Variants in SPTAN1 observed in about 807,000 individuals in gnomAD.
SPTAN1 encodes the protein spectrin alpha chain, non-erythrocytic 1.
A neutral mutation model predicts 331.3 loss-of-function variants in SPTAN1; 61 were observed. That is an observed-to-expected ratio of 0.18 (90% confidence interval 0.15 to 0.23). SPTAN1 has a LOEUF of 0.23. SPTAN1 is among the 10% of genes least tolerant of loss of function. The pLI, the probability that SPTAN1 is intolerant of heterozygous loss-of-function variation, is 1.00. For missense variants in SPTAN1, 2,043 were observed against 3,147.9 expected, an observed-to-expected ratio of 0.65 and a Z score of 8.40; for synonymous variants, 1,153 against 1,173.9, an observed-to-expected ratio of 0.98 and a Z score of 0.36.
At chr9:128,619,424 C>A (rs1340528087) in intron 44 of SPTAN1, among the ~76,000 whole-genome samples, 2 of 152,220 alleles carry the variant, frequency 1.3e-5, no homozygotes, top group East Asian at 3.8e-4. Flanking sequence ...AAGAAGCAGG[C>A]AGGACCATGT....
intron 3 of SPTAN1, among the ~76,000 whole-genome samples, chr9:128,572,211 T>C (rs1850806764): frequency 6.6e-6 from 1 of 152,224 alleles, no homozygotes; most frequent in Non-Finnish European, 1.5e-5. Context: ...CTTTGCTTAA[T>C]GTTTCCACCA....
At chr9:128,582,940 G>T in intron 14 of SPTAN1, 91 bp downstream of exon 14, 1 of 1,595,652 alleles carries the variant, frequency 6.3e-7, no homozygotes. Context: ...ACGAAATAAG[G>T]GATTCCAGAA....
chr9:128,624,496 T>C lies in SPTAN1; in HGVS notation c.5992+9T>C. 1.9e-6 allele frequency: 3 copies of C among 1,612,602 alleles called. No homozygotes were observed. The highest frequency in any genetic ancestry group is 2.5e-6 in the Non-Finnish European group (3 of 1,179,968). On this transcript the variant is annotated intron_variant, in intron 46 of 56. Coordinates refer to ENST00000372739, the MANE Select transcript of SPTAN1 (RefSeq NM_001130438.3). ...GGTGGAGTCCTGGATCGGTGAGCAC[T>C]GTCAGCAAGGCCCGGAAGAGCCTTC... is the stretch of plus-strand genomic sequence containing the variant.
chr9:128,608,949 T>A lies in SPTAN1; in HGVS notation c.4567T>A (p.Ser1523Thr), dbSNP rs751600620. 1 of 1,614,224 alleles carries A rather than the reference T, an allele frequency of 6.2e-7. No individual in the cohort carries two copies. Among genetic ancestry groups the A allele is most frequent in the Non-Finnish European group, 8.5e-7 (1 of 1,180,034 alleles). Residue 1523 changes from serine to threonine, a missense_variant, in exon 35 of 57, where the codon TCT (serine) becomes ACT (threonine). By Grantham distance (58) the Ser-to-Thr change is moderately conservative. Transcript: ENST00000372739. ...CGGCCATTATGCCAAGGGAGACATTTCTAGCCGGCGCAATGAGGTCTTGGA... is the reference window on the plus strand; with the variant it reads ...CGGCCATTATGCCAAGGGAGACATTACTAGCCGGCGCAATGAGGTCTTGGA... Reference protein sequence around the residue: ...AAGHYAKGDISSRRNEVLDRW... With the variant: ...AAGHYAKGDITSRRNEVLDRW...
intron 24 of SPTAN1, among the ~76,000 whole-genome samples, chr9:128,594,950 G>A (rs959071302): frequency 6.0e-5 from 9 of 149,546 alleles, no homozygotes; most frequent in African/African-American, 2.2e-4. Context: ...TCAGCCTCCC[G>A]AGTAGCTCAC....
intron 51 of SPTAN1, 190 bp from the exon 52 acceptor site, chr9:128,630,131 G>A (rs541469452): frequency 9.6e-5 from 73 of 763,708 alleles, no homozygotes; most frequent in East Asian, 2.5e-4. Context: ...TCTCTAAAAC[G>A]GGAGAAATGC....
Position 128,605,481 on chromosome 9 carries a change from C to T in SPTAN1, c.4046+4C>T, listed in dbSNP as rs370704701. 94 of 1,614,020 alleles carry T rather than the reference C, an allele frequency of 5.8e-5. No homozygotes were observed. The highest frequency in any genetic ancestry group is 3.0e-4 in the Admixed American group (18 of 60,004). On this transcript the variant is annotated splice_donor_region_variant and intron_variant, in intron 31 of 56. Coordinates refer to ENST00000372739, the MANE Select transcript of SPTAN1 (RefSeq NM_001130438.3). ...AGCGCTTCCTTAGCGATTTCCGGTA[C>T]GGAGCCATGTTCACTCAGACTTCTG...
chr9:128,558,028 C>T (rs1160325387), intron 1 of SPTAN1, among the ~76,000 whole-genome samples: 2 of 152,160 alleles, frequency 1.3e-5, no homozygotes, highest in Non-Finnish European at 2.9e-5. Context: ...TGGTCTCAAT[C>T]TCCTGACCTC....
chr9:128,568,996 T>C (rs1850356572), intron 3 of SPTAN1, 99 bp downstream of exon 3: 14 of 1,534,408 alleles, frequency 9.1e-6, no homozygotes, highest in Non-Finnish European at 1.1e-5. Flanking sequence ...AGATAGACTT[T>C]TCCAGCTTTT....
rs1333083900 is a variant in SPTAN1 at position 128,632,258 on chromosome 9, G to A, written c.6894G>A (p.Gln2298=). 4.3e-6 allele frequency: 7 copies of A among 1,613,560 alleles called. No individual in the cohort carries two copies. Among genetic ancestry groups the A allele is most frequent in the Non-Finnish European group, 5.9e-6 (7 of 1,180,030 alleles). ...TEHSTVGLAQ[Q]WDQLDQLGMR... ...ACAGCACCGTGGGCCTCGCCCAGCA[G>A]TGGGACCAGCTGGACCAGCTGGGCA... Residue 2298 remains glutamine, a synonymous_variant, in exon 53 of 57, where the codon CAG becomes CAA. Transcript: ENST00000372739.
chr9:128,603,709 A>G lies in SPTAN1; in HGVS notation c.3627+119A>G, dbSNP rs570017499. The G allele has an allele frequency of 7.6e-5, 95 of 1,250,424 alleles. No homozygotes were observed. In the South Asian group the frequency reaches 9.0e-4, roughly 12 times the overall value. The allele number at this position is 1,250,424 out of a possible 1,614,324, so 77.5% of individuals were successfully genotyped here. A position where few individuals can be genotyped will look rare whatever the true frequency, so the allele number is the denominator to read the frequency against. ...GGTGACCTGTGACATATCTCACTCT[A>G]TTGGGTCCAAGCATGTCCTAAGTAA... On this transcript the variant is annotated intron_variant, in intron 28 of 56. Coordinates refer to ENST00000372739, the MANE Select transcript of SPTAN1 (RefSeq NM_001130438.3).
At chr9:128,562,086 C>G (rs1849440920) in intron 1 of SPTAN1, among the ~76,000 whole-genome samples, 1 of 152,064 alleles carries the variant, frequency 6.6e-6, no homozygotes, top group Admixed American at 6.6e-5. Flanking sequence ...GAGGACGAGG[C>G]ATTTGCTTTG....
At chr9:128,608,421 T>C in intron 34 of SPTAN1, 145 bp downstream of exon 34, 1 of 1,065,548 alleles carries the variant, frequency 9.4e-7, no homozygotes, top group Non-Finnish European at 1.3e-6. Context: ...TAAAACTTTA[T>C]AGATTCTGGT....
At chr9:128,628,126 C>G (rs1311870956) in intron 51 of SPTAN1, 184 bp downstream of exon 51, 1 of 830,140 alleles carries the variant, frequency 1.2e-6, no homozygotes, top group African/African-American at 1.7e-5. Flanking sequence ...CCCATGGTCC[C>G]TGGTCCCCGA....
intron 24 of SPTAN1, among the ~76,000 whole-genome samples, chr9:128,595,284 A>G (rs1432173387): frequency 6.6e-6 from 1 of 151,884 alleles, no homozygotes; most frequent in Non-Finnish European, 1.5e-5. Context: ...AAATTTTTGT[A>G]TTTTTAGTAC....
At position 128,599,983 on chromosome 9, in the gene SPTAN1, C is replaced by T. The variant is rs1185048281; in HGVS notation, c.3544-97C>T. On this transcript the variant is annotated intron_variant, in intron 26 of 56. Coordinates refer to ENST00000372739, the MANE Select transcript of SPTAN1 (RefSeq NM_001130438.3). ...TGGTTAATGTATTAGTATCTGGGAT[C>T]TCCCCTGGGGGAAACTAGAGTCATT... 3.9e-6 allele frequency: 5 copies of T among 1,275,216 alleles called. No individual in the cohort carries two copies. The African/African-American group carries it at 4.4e-5, about 11-fold the overall frequency. The allele number at this position is 1,275,216 out of a possible 1,614,324, so 79.0% of individuals were successfully genotyped here.
chr9:128,584,656 A>AG, intron 17 of SPTAN1, 65 bp from the exon 18 acceptor site: 1 of 1,614,220 alleles, frequency 6.2e-7, no homozygotes. Context: ...GTAGCTAAGA[A>AG]TGACAAATCA....
chr9:128,587,794 GCTAT>G, intron 20 of SPTAN1, 96 bp downstream of exon 20: 1 of 891,038 alleles, frequency 1.1e-6, no homozygotes, highest in Non-Finnish European at 1.9e-6. Context: ...ATTTGACTCT[GCTAT>G]TAACTCTTGT....
At chr9:128,613,614 T>C in intron 40 of SPTAN1, 129 bp downstream of exon 40, 1 of 766,326 alleles carries the variant, frequency 1.3e-6, no homozygotes, top group Non-Finnish European at 2.3e-6. Flanking sequence ...TCAAAGGTTG[T>C]GGCCTCAGGA....
Sources: allele counts gnomAD v4.1 joint callset (sites outside exome capture counted in the v4.1 genomes callset), GRCh38; gene constraint gnomAD v4.1.1; transcripts MANE v1.5; gene names NCBI Gene and HGNC (gene_info 2026-07-23, HGNC 2026-07-21).